GLIS1: variants seen among roughly 807,000 people sequenced by gnomAD.
GLIS1 encodes the protein GLIS family zinc finger 1.
A neutral mutation model predicts 63.8 loss-of-function variants in GLIS1; 24 were observed. That is an observed-to-expected ratio of 0.38 (90% CI 0.27 to 0.53). The LOEUF is 0.53. Ranked by LOEUF, GLIS1 falls within the 20% of genes least tolerant of loss-of-function variation. GLIS1 has a pLI of 0.85. For synonymous variants in GLIS1, 450 were observed against 482.5 expected, an observed-to-expected ratio of 0.93 and a Z score of 0.88; for missense variants, 1,036 against 1,074.1, an observed-to-expected ratio of 0.96 and a Z score of 0.50.
chr1:53,655,228 AC>A (rs987572885), intron 2 of GLIS1, among the ~76,000 whole-genome samples: 25 of 152,004 alleles, frequency 1.6e-4, no homozygotes, highest in Middle Eastern at 6.8e-3. Context: ...ACCTCCTGTA[AC>A]CCCCCAGAGG....
At chr1:53,629,929 G>T (rs543264922) in intron 2 of GLIS1, among the ~76,000 whole-genome samples, 1 of 152,260 alleles carries the variant, frequency 6.6e-6, no homozygotes, top group African/African-American at 2.4e-5. Context: ...GATATGTATG[G>T]TTGACTGTGC....
At chr1:53,728,104 C>T (rs1176773527) in intron 2 of GLIS1, among the ~76,000 whole-genome samples, 3 of 152,100 alleles carry the variant, frequency 2.0e-5, no homozygotes, top group African/African-American at 7.2e-5. Context: ...AGGATAATGA[C>T]ACTCTGCCCC....
chr1:53,697,029 T>C (rs1052704832), intron 2 of GLIS1, among the ~76,000 whole-genome samples: 1 of 152,030 alleles, frequency 6.6e-6, no homozygotes, highest in Non-Finnish European at 1.5e-5. Flanking sequence ...AGGAGGTGTG[T>C]CCATATTCAC....
At chr1:53,592,832 C>T (rs1387915587) in intron 4 of GLIS1, among the ~76,000 whole-genome samples, 1 of 152,270 alleles carries the variant, frequency 6.6e-6, no homozygotes, top group African/African-American at 2.4e-5. Context: ...ACTCTTTCTC[C>T]TCCTTCAAGA....
At chr1:53,638,141 C>T (rs772402934) in intron 2 of GLIS1, among the ~76,000 whole-genome samples, 73 of 152,284 alleles carry the variant, frequency 4.8e-4, no homozygotes, top group Admixed American at 1.6e-3. Flanking sequence ...AGCACAGAGG[C>T]CACACGGTGT....
intron 2 of GLIS1, among the ~76,000 whole-genome samples, chr1:53,607,518 C>T (rs1282202838): frequency 1.3e-5 from 2 of 152,310 alleles, no homozygotes; most frequent in African/African-American, 4.8e-5. Context: ...GTGCCAGGTA[C>T]AGTGCTAGGC....
chr1:53,705,692 C>T (rs1174161321), intron 2 of GLIS1, among the ~76,000 whole-genome samples: 1 of 152,186 alleles, frequency 6.6e-6, no homozygotes. Flanking sequence ...CCCCAGACTC[C>T]TTCTGAGACA....
At chr1:53,548,392 C>T (rs911303247) in intron 4 of GLIS1, among the ~76,000 whole-genome samples, 11 of 152,212 alleles carry the variant, frequency 7.2e-5, no homozygotes, top group African/African-American at 2.4e-4. Context: ...CAGGGGCTCT[C>T]GGGGCAGGAA....
Position 53,526,468 on chromosome 1 carries a change from G to A in GLIS1, c.1483-1581C>T, listed in dbSNP as rs1396929097. ...GGAGAGCGGAGGCCTGCCGCGGATG[G>A]CCCCTGCTGCCCCCAGCCCACCGCA... On this transcript the variant is annotated intron_variant, in intron 5 of 10. Transcript: ENST00000628545. The surrounding 1 kb of genome is among the most constrained non-coding windows in gnomAD (Gnocchi z 4.4). 6.6e-6 allele frequency among the ~76,000 whole-genome samples: 1 copy of A among 152,074 alleles called. No individual in the cohort carries two copies. The highest frequency in any genetic ancestry group is 2.4e-5 in the African/African-American group (1 of 41,392).
At chr1:53,732,912 T>G (rs1208956912) in intron 2 of GLIS1, among the ~76,000 whole-genome samples, 1 of 152,200 alleles carries the variant, frequency 6.6e-6, no homozygotes, top group Admixed American at 6.5e-5. Flanking sequence ...ACAGAATTCT[T>G]TTCCAAGACA....
intron 2 of GLIS1, among the ~76,000 whole-genome samples, chr1:53,736,998 G>A (rs998545442): frequency 3.9e-5 from 6 of 151,940 alleles, no homozygotes; most frequent in African/African-American, 1.4e-4. Flanking sequence ...AAAGGGGGGA[G>A]GACGAGGACA....
chr1:53,628,833 G>C (rs1464656932), intron 2 of GLIS1, among the ~76,000 whole-genome samples: 1 of 152,148 alleles, frequency 6.6e-6, no homozygotes, highest in Non-Finnish European at 1.5e-5. Context: ...CACCCTGAGA[G>C]GTCAGAAGGG....
At chr1:53,604,200 C>A (rs1645346948) in intron 2 of GLIS1, among the ~76,000 whole-genome samples, 1 of 152,094 alleles carries the variant, frequency 6.6e-6, no homozygotes, top group African/African-American at 2.4e-5. Context: ...GAGATGGGGA[C>A]CTGTAAGGGA....
At chr1:53,672,885 G>C (rs765460100) in intron 2 of GLIS1, among the ~76,000 whole-genome samples, 2 of 152,200 alleles carry the variant, frequency 1.3e-5, no homozygotes, top group Admixed American at 6.5e-5. Flanking sequence ...AGAGCGCCCT[G>C]GAGCTGCTGT....
At chr1:53,548,793 A>C (rs1235908440) in intron 4 of GLIS1, among the ~76,000 whole-genome samples, 1 of 152,240 alleles carries the variant, frequency 6.6e-6, no homozygotes, top group African/African-American at 2.4e-5. Flanking sequence ...TACTTCACAT[A>C]ATCATAAAAT....
Position 53,560,233 on chromosome 1 carries a change from AAG to A in GLIS1, c.1321-30283_1321-30282del, listed in dbSNP as rs1430357328. On this transcript the variant is annotated intron_variant, in intron 4 of 10. Coordinates refer to ENST00000628545, the MANE Select transcript of GLIS1 (RefSeq NM_001367484.1). This position sits in a 1 kb window ranked among gnomAD's most constrained non-coding sequence, Gnocchi z 4.4. ...AGCTCACCAGCGAAGACAGACAAAG[AAG>A]AGCCAGCTTTGCCCAGACCTGGGGG... Among the ~76,000 whole-genome samples, 1 of 152,222 alleles carries A rather than the reference AAG, an allele frequency of 6.6e-6. No individual in the cohort carries two copies. Among genetic ancestry groups the A allele is most frequent in the Non-Finnish European group, 1.5e-5 (1 of 68,040 alleles).
At chr1:53,607,148 TC>T (rs1437904672) in intron 2 of GLIS1, among the ~76,000 whole-genome samples, 1 of 152,156 alleles carries the variant, frequency 6.6e-6, no homozygotes, top group Non-Finnish European at 1.5e-5. Flanking sequence ...AAAATAGATA[TC>T]ACCTATAAGG....
intron 2 of GLIS1, among the ~76,000 whole-genome samples, chr1:53,690,226 C>T (rs1181956491): frequency 6.6e-6 from 1 of 152,240 alleles, no homozygotes; most frequent in African/African-American, 2.4e-5. Context: ...CACCGCCCAG[C>T]AACGCTCGGC....
chr1:53,649,656 G>A (rs538409953), intron 2 of GLIS1, among the ~76,000 whole-genome samples: 18 of 152,162 alleles, frequency 1.2e-4, no homozygotes, highest in East Asian at 1.9e-4. Context: ...TGAGGTCTCC[G>A]GTTGTGGTTG....
Sources: allele counts gnomAD v4.1 joint callset (sites outside exome capture counted in the v4.1 genomes callset), GRCh38; gene constraint gnomAD v4.1.1; non-coding constraint Gnocchi (gnomAD v3.1); transcripts MANE v1.5; gene names NCBI Gene and HGNC (gene_info 2026-07-23, HGNC 2026-07-21).